The following GALNT14 variants were observed in gnomAD, a reference collection of about 807,000 sequenced individuals.
The protein encoded by GALNT14 is UDP-GalNAc:polypeptide N-acetylgalactosaminyltransferase 14.
GALNT14 carries 60 observed loss-of-function variants against 77.5 expected under a neutral mutation model. That is an observed-to-expected ratio of 0.77 (90% CI 0.63 to 0.96). The LOEUF is 0.96. GALNT14 is among the 40% of genes least tolerant of loss of function. The pLI is 0.00. For synonymous variants in GALNT14, 280 were observed against 281.7 expected, an observed-to-expected ratio of 0.99 and a Z score of 0.06; for missense variants, 710 against 731.0, an observed-to-expected ratio of 0.97 and a Z score of 0.33.
intron 1 of GALNT14, among the ~76,000 whole-genome samples, chr2:31,027,715 A>G (rs1480326942): frequency 6.6e-6 from 1 of 152,162 alleles, no homozygotes; most frequent in Non-Finnish European, 1.5e-5. Flanking sequence ...ATCACAATTT[A>G]TGTCCCCACC....
chr2:30,928,571 C>T (rs1463180578), intron 11 of GALNT14, among the ~76,000 whole-genome samples: 11 of 151,852 alleles, frequency 7.2e-5, no homozygotes, highest in African/African-American at 2.7e-4. Context: ...TAATGAGATG[C>T]CTTATGTAAT....
intron 1 of GALNT14, among the ~76,000 whole-genome samples, chr2:30,994,872 G>A (rs751876736): frequency 1.3e-5 from 2 of 152,160 alleles, no homozygotes; most frequent in Admixed American, 6.5e-5. Flanking sequence ...ATTGCAGAGA[G>A]ACATGCATGG....
At position 31,060,353 on chromosome 2, in the gene GALNT14, A is replaced by ATTT. The variant is rs746979361; in HGVS notation, c.130-67347_130-67346insAAA. ...CTGGACACACACAAGCCTACCACCAAGGACTTTCTTCAGAACAAGCCCTAT... is the reference window on the plus strand; with the variant it reads ...CTGGACACACACAAGCCTACCACCAATTTGGACTTTCTTCAGAACAAGCCCTAT... On this transcript the variant is annotated intron_variant, in intron 1 of 14. Coordinates refer to ENST00000349752, the MANE Select transcript of GALNT14 (RefSeq NM_024572.4). 3.3e-5 allele frequency among the ~76,000 whole-genome samples: 5 copies of ATTT among 152,314 alleles called. No homozygotes were observed. The East Asian group carries it at 7.7e-4, about 24-fold the overall frequency.
intron 2 of GALNT14, among the ~76,000 whole-genome samples, chr2:30,976,634 T>A (rs1282815374): frequency 1.3e-5 from 2 of 151,438 alleles, no homozygotes; most frequent in Non-Finnish European, 1.5e-5. Context: ...TGTGTGTGTG[T>A]GTGTGTGCAA....
intron 1 of GALNT14, among the ~76,000 whole-genome samples, chr2:31,030,917 A>G (rs1371453604): frequency 6.6e-6 from 1 of 152,128 alleles, no homozygotes; most frequent in Non-Finnish European, 1.5e-5. Flanking sequence ...TTATCTGTGT[A>G]TTTTGCATTC....
chr2:31,042,354 G>A (rs1673152627), intron 1 of GALNT14, among the ~76,000 whole-genome samples: 1 of 152,120 alleles, frequency 6.6e-6, no homozygotes, highest in South Asian at 2.1e-4. Context: ...ACCTGAGCCA[G>A]GTAAAGTTAA....
chr2:30,926,511 T>C (rs1003253687), intron 11 of GALNT14, among the ~76,000 whole-genome samples: 7 of 152,078 alleles, frequency 4.6e-5, no homozygotes, highest in African/African-American at 1.7e-4. Flanking sequence ...ACTCAAAGGA[T>C]AGGTTTAGCT....
chr2:30,950,010 C>A (rs1237246108), intron 6 of GALNT14, among the ~76,000 whole-genome samples: 1 of 152,174 alleles, frequency 6.6e-6, no homozygotes, highest in Non-Finnish European at 1.5e-5. Context: ...ATATGTGTGA[C>A]CTGAACTAAA....
At chr2:31,059,816 T>A (rs1674480184) in intron 1 of GALNT14, among the ~76,000 whole-genome samples, 1 of 152,274 alleles carries the variant, frequency 6.6e-6, no homozygotes, top group Admixed American at 6.5e-5. Context: ...AAGCAGGTCC[T>A]CACCGGACAC....
chr2:31,034,861 A>G (rs1020506037), intron 1 of GALNT14, among the ~76,000 whole-genome samples: 4 of 152,160 alleles, frequency 2.6e-5, no homozygotes, highest in African/African-American at 9.7e-5. Flanking sequence ...CCTATTAGTT[A>G]TTTAGGAGTG....
At position 30,992,994 on chromosome 2, in the gene GALNT14, T is replaced by C. The variant is rs1020322907; in HGVS notation, c.143A>G (p.Asp48Gly). 4.3e-6 allele frequency: 7 copies of C among 1,613,952 alleles called. No individual in the cohort carries two copies. Among genetic ancestry groups the C allele is most frequent in the African/African-American group, 1.3e-5 (1 of 74,920 alleles). ...AAACTGGTCCCACAGGTCGTCCCAG[T>C]CAGCGTCCGAAGGCTGCGTGACACG... ...EVQTPKPSDA[D>G]WDDLWDQFDE... The change falls in exon 2 of 15, where the codon GAC (aspartate) becomes GGC (glycine). Residue 48 changes from aspartate (D) to glycine (G), a missense_variant. Physicochemically the swap from Asp to Gly is moderately conservative, Grantham distance 94. Transcript: ENST00000349752.
rs137866123 is a variant in GALNT14 at position 30,959,653 on chromosome 2, C to T, written c.399-1189G>A. ...AAAGCATTTAACATGATATTTGGCA[C>T]TTTATGATAACAAATGGTTGCAATT... On this transcript the variant is annotated intron_variant, in intron 3 of 14. Coordinates refer to ENST00000349752, the MANE Select transcript of GALNT14 (RefSeq NM_024572.4). 1.8e-3 allele frequency among the ~76,000 whole-genome samples: 273 copies of T among 152,314 alleles called. 3 individuals carry two copies. Among genetic ancestry groups the T allele is most frequent in the African/African-American group, 6.3e-3 (260 of 41,574 alleles).
At chr2:30,938,078 G>A (rs974257720) in intron 9 of GALNT14, among the ~76,000 whole-genome samples, 5 of 131,360 alleles carry the variant, frequency 3.8e-5, no homozygotes, top group African/African-American at 8.6e-5. Context: ...CAGGAGAGCC[G>A]AGCCTGGCAT....
intron 1 of GALNT14, among the ~76,000 whole-genome samples, chr2:31,130,840 G>A (rs1678961400): frequency 6.6e-6 from 1 of 151,154 alleles, no homozygotes; most frequent in Admixed American, 6.6e-5. Context: ...ATGTTCTTCG[G>A]TATCCCAAAG....
At chr2:30,901,139 A>G in the GALNT14 span, among the ~76,000 whole-genome samples, 43 of 152,292 alleles carry the variant, frequency 2.8e-4, no homozygotes, top group Middle Eastern at 3.4e-3. Context: ...GGCAGAGGCA[A>G]AGGCAAACCT....
intron 2 of GALNT14, chr2:30,991,572 A>T (rs973428706): frequency 1.7e-4 from 26 of 152,250 alleles, no homozygotes; most frequent in African/African-American, 6.0e-4. Context: ...ACTGCTGCTA[A>T]GGCAGAGCCT....
chr2:30,893,433 G>C, the GALNT14 span, among the ~76,000 whole-genome samples: 5 of 152,162 alleles, frequency 3.3e-5, no homozygotes, highest in Non-Finnish European at 7.4e-5. Flanking sequence ...GATTGTACAA[G>C]AAAGGAGGTT....
chr2:30,965,688 C>T (rs558638759), intron 3 of GALNT14, among the ~76,000 whole-genome samples: 212 of 152,246 alleles, frequency 1.4e-3, no homozygotes, highest in African/African-American at 4.7e-3. Context: ...CCCAGGGGAA[C>T]GGGGATGGAA....
Position 30,911,038 on chromosome 2 carries a change from G to A in GALNT14, c.1522C>T (p.His508Tyr), listed in dbSNP as rs758066912. The A allele has an allele frequency of 3.1e-6, 5 of 1,614,000 alleles. No homozygotes were observed. In the Admixed American group the frequency reaches 8.3e-5, roughly 27 times the overall value. The change falls in exon 15 of 15, where the codon CAC becomes TAC. Residue 508 changes from histidine (H) to tyrosine (Y), a missense_variant. Coordinates refer to ENST00000349752, the MANE Select transcript of GALNT14 (RefSeq NM_024572.4). ...AGGTGGGATGCTATGTGCTCGATGT[G>A]GGAACCAGTTTTGGTCCATTGCTGG... is the stretch of plus-strand genomic sequence containing the variant. ...DRQQWTKTGS[H>Y]IEHIASHLCL...
Sources: allele counts gnomAD v4.1 joint callset (sites outside exome capture counted in the v4.1 genomes callset), GRCh38; gene constraint gnomAD v4.1.1; transcripts MANE v1.5; gene names NCBI Gene and HGNC (gene_info 2026-07-23, HGNC 2026-07-21).